Variants in CLDN16 observed in about 807,000 individuals in gnomAD.
CLDN16 encodes the protein claudin 16, also known as claudin-16.
CLDN16 carries 13 observed loss-of-function variants against 24.6 expected under a neutral mutation model. The observed-to-expected ratio is 0.53, with a 90% CI of 0.34 to 0.84. The LOEUF (loss-of-function observed/expected upper bound fraction) is 0.84. Among genes scored for constraint, CLDN16 ranks in the 40% least tolerant of loss-of-function variants. The pLI, the probability that CLDN16 is intolerant of heterozygous loss-of-function variation, is 0.01. For synonymous variants in CLDN16, 116 were observed against 106.7 expected (o/e 1.09, Z -0.54); for missense variants, 298 against 292.7 (o/e 1.02, Z -0.13).
the CLDN16 span, among the ~76,000 whole-genome samples, chr3:190,309,118 T>C: frequency 5.6e-4 from 85 of 152,190 alleles, no homozygotes; most frequent in African/African-American, 1.9e-3. Flanking sequence ...AATTCTGGGA[T>C]AGCAACTTCA....
intron 3 of CLDN16, among the ~76,000 whole-genome samples, chr3:190,379,977 C>CTATCTATG (rs1311829132): frequency 1.3e-5 from 2 of 150,582 alleles, no homozygotes; most frequent in African/African-American, 4.9e-5. Flanking sequence ...TCAACTCTGT[C>CTATCTATG]TATCTATCTA....
At chr3:190,340,907 A>G (rs1189228906) in intron 1 of CLDN16, among the ~76,000 whole-genome samples, 1 of 152,224 alleles carries the variant, frequency 6.6e-6, no homozygotes, top group Non-Finnish European at 1.5e-5. Context: ...GCAAGTCGGA[A>G]ATCCAGCAGG....
At position 190,360,523 on chromosome 3, in the gene CLDN16, A is replaced by G. The variant is rs76082849; in HGVS notation, n.122-10370A>G. On this transcript the variant is annotated intron_variant and non_coding_transcript_variant, in intron 1 of 4. Coordinates refer to the CLDN16 transcript ENST00000468220. ...TAATAGCAGAGTTGAAATAGGGAGG[A>G]TGAATGTGATAAGAACAAAATGTAG... is the stretch of plus-strand genomic sequence containing the variant. Among the ~76,000 whole-genome samples, 568 of 152,082 alleles carry G rather than the reference A, an allele frequency of 3.7e-3. 4 individuals carry two copies. Among genetic ancestry groups the G allele is most frequent in the Non-Finnish European group, 6.2e-3 (423 of 67,926 alleles).
At chr3:190,346,333 A>G (rs1179652273) in intron 1 of CLDN16, among the ~76,000 whole-genome samples, 1 of 152,240 alleles carries the variant, frequency 6.6e-6, no homozygotes, top group Non-Finnish European at 1.5e-5. Context: ...ATTTTGCTAC[A>G]GGGAATTTTG....
the CLDN16 span, chr3:190,307,042 T>C: frequency 3.9e-5 from 6 of 152,670 alleles, no homozygotes; most frequent in African/African-American, 1.4e-4. Context: ...AGACACTACA[T>C]AGGCATAGTT....
At chr3:190,396,313 A>T (rs1718816307) in intron 1 of CLDN16, among the ~76,000 whole-genome samples, 1 of 152,206 alleles carries the variant, frequency 6.6e-6, no homozygotes, top group South Asian at 2.1e-4. Context: ...AATGACACCA[A>T]ATCAATGTAA....
the CLDN16 span, among the ~76,000 whole-genome samples, chr3:190,316,825 C>T: frequency 6.6e-6 from 1 of 152,236 alleles, no homozygotes; most frequent in African/African-American, 2.4e-5. Context: ...TTGTGTTTAG[C>T]TTAATTTTTG....
chr3:190,377,372 AT>A (rs1388981500), intron 3 of CLDN16, among the ~76,000 whole-genome samples: 2 of 151,862 alleles, frequency 1.3e-5, no homozygotes, highest in Non-Finnish European at 2.9e-5. Flanking sequence ...GGGTTGAAAC[AT>A]TTTACTAAAA....
chr3:190,374,038 T>A (rs1476410610), intron 2 of CLDN16, among the ~76,000 whole-genome samples: 1 of 151,762 alleles, frequency 6.6e-6, no homozygotes, highest in Non-Finnish European at 1.5e-5. Context: ...TATATTTTCT[T>A]CTGAATGATA....
At chr3:190,306,899 A>G in the CLDN16 span, 1 of 152,664 alleles carries the variant, frequency 6.6e-6, no homozygotes, top group Non-Finnish European at 1.5e-5. Flanking sequence ...ACTGAACCAC[A>G]TGAAGGTATG....
chr3:190,355,402 C>T (rs1717747203), intron 1 of CLDN16, among the ~76,000 whole-genome samples: 1 of 151,806 alleles, frequency 6.6e-6, no homozygotes, highest in African/African-American at 2.4e-5. Context: ...CTCTTCTTTT[C>T]TCTTCAAACT....
the CLDN16 span, among the ~76,000 whole-genome samples, chr3:190,297,791 C>A: frequency 2.8e-5 from 4 of 145,236 alleles, no homozygotes; most frequent in East Asian, 6.1e-4. Context: ...AAAAAAAAAA[C>A]CTTTACATTT....
At chr3:190,348,163 G>C (rs1717593439) in intron 1 of CLDN16, among the ~76,000 whole-genome samples, 1 of 149,990 alleles carries the variant, frequency 6.7e-6, no homozygotes, top group South Asian at 2.1e-4. Flanking sequence ...GCTGAGGCAG[G>C]AGAATTGCTT....
the CLDN16 span, among the ~76,000 whole-genome samples, chr3:190,303,864 C>T: frequency 6.8e-6 from 1 of 147,724 alleles, no homozygotes. Flanking sequence ...GGACCACCTG[C>T]TTTTAACTCC....
chr3:190,364,457 A>G (rs1254590864), intron 1 of CLDN16, among the ~76,000 whole-genome samples: 1 of 151,898 alleles, frequency 6.6e-6, no homozygotes, highest in Non-Finnish European at 1.5e-5. Context: ...GCTGATGGGT[A>G]GCTCTGGCCA....
chr3:190,323,472 A>G (rs1045902796), intron 1 of CLDN16, among the ~76,000 whole-genome samples: 6 of 151,908 alleles, frequency 3.9e-5, no homozygotes, highest in Non-Finnish European at 7.4e-5. Context: ...TGTTTCTCCA[A>G]AGCTTCCTTC....
intron 1 of CLDN16, among the ~76,000 whole-genome samples, chr3:190,348,498 A>G (rs974924117): frequency 2.0e-5 from 3 of 152,126 alleles, no homozygotes; most frequent in Non-Finnish European, 2.9e-5. Flanking sequence ...GCAAAAGCCT[A>G]CAACACAGGC....
At chr3:190,378,536 T>G (rs898650847) in intron 3 of CLDN16, among the ~76,000 whole-genome samples, 1 of 152,046 alleles carries the variant, frequency 6.6e-6, no homozygotes, top group Non-Finnish European at 1.5e-5. Flanking sequence ...AGAGCTTTCA[T>G]GAAACCAGGA....
chr3:190,310,821 A>T, the CLDN16 span, among the ~76,000 whole-genome samples: 1 of 152,132 alleles, frequency 6.6e-6, no homozygotes, highest in Non-Finnish European at 1.5e-5. Context: ...TTGGCCTGAG[A>T]TTTGTTGAGG....
Sources: gnomAD v4.1 joint callset for allele counts (sites outside exome capture counted in the v4.1 genomes callset) on GRCh38, gnomAD v4.1.1 for gene constraint, MANE v1.5 for transcripts, NCBI Gene and HGNC (gene_info 2026-07-23, HGNC 2026-07-21) for gene names.